Variants in GSK3B observed in about 807,000 individuals in gnomAD.
The protein encoded by GSK3B is glycogen synthase kinase-3 beta.
A neutral mutation model predicts 56.4 loss-of-function variants in GSK3B; 15 were observed. That is an observed-to-expected ratio of 0.27 (90% confidence interval 0.18 to 0.41). The LOEUF is 0.41. GSK3B is among the 10% of genes least tolerant of loss of function. The pLI is 1.00. For missense variants in GSK3B, 300 were observed against 513.4 expected, an observed-to-expected ratio of 0.58 and a Z score of 4.02; for synonymous variants, 181 against 188.9, an observed-to-expected ratio of 0.96 and a Z score of 0.34.
chr3:120,045,341 A>C (rs1271364726), intron 1 of GSK3B, among the ~76,000 whole-genome samples: 1 of 152,068 alleles, frequency 6.6e-6, no homozygotes, highest in African/African-American at 2.4e-5. Flanking sequence ...CCTTGCCTCT[A>C]GTTACTGTAA....
At chr3:119,834,677 G>GA (rs1297683201) in intron 10 of GSK3B, among the ~76,000 whole-genome samples, 1 of 151,262 alleles carries the variant, frequency 6.6e-6, no homozygotes, top group African/African-American at 2.4e-5. Flanking sequence ...TAGGAATAAA[G>GA]AAAAAAAAGG....
At position 120,041,655 on chromosome 3, in the gene GSK3B, G is replaced by C. The variant is rs1041831730; in HGVS notation, c.89-39416C>G. Reference sequence around the variant, plus strand: ...TAACCCAGGAGGTTTCTTAACAAGAGTTCTAAATCTAAAAAGAAAGCACAC... The same window carrying C: ...TAACCCAGGAGGTTTCTTAACAAGACTTCTAAATCTAAAAAGAAAGCACAC... On this transcript the variant is annotated intron_variant, in intron 1 of 10. Transcript: ENST00000264235. 3.9e-5 allele frequency: 6 copies of C among 152,434 alleles called. No individual in the cohort carries two copies. In the East Asian group the frequency reaches 1.2e-3, roughly 29 times the overall value. The allele number at this position is 152,434 out of a possible 1,614,324, so 9.4% of individuals were successfully genotyped here.
Position 119,826,648 on chromosome 3 carries a change from A to C in GSK3B, c.*140T>G, listed in dbSNP as rs931622469. The C allele has an allele frequency of 4.2e-6, 3 of 713,182 alleles. No individual in the cohort carries two copies. The highest frequency in any genetic ancestry group is 7.8e-6 in the Non-Finnish European group (3 of 386,446). 44.2% of individuals were successfully genotyped at this position (713,182 alleles called of 1,614,324 possible). ...TTTTACAAGGTTAAATAAGAACAAC[A>C]ATAATAATAAAAAAATTGAACACTA... is the stretch of plus-strand genomic sequence containing the variant. On this transcript the variant is annotated 3_prime_UTR_variant, in exon 11 of 11. Transcript: ENST00000264235.
At chr3:120,054,253 T>A (rs1160726502) in intron 1 of GSK3B, among the ~76,000 whole-genome samples, 1 of 152,106 alleles carries the variant, frequency 6.6e-6, no homozygotes, top group East Asian at 1.9e-4. Flanking sequence ...CCTAGAACAT[T>A]AACACTTTCA....
At chr3:119,861,019 A>G (rs915639269) in intron 9 of GSK3B, among the ~76,000 whole-genome samples, 3 of 152,170 alleles carry the variant, frequency 2.0e-5, no homozygotes, top group African/African-American at 7.2e-5. Flanking sequence ...ACCAAGTGGA[A>G]AATTGATTCT....
At position 119,822,267 on chromosome 3, in the gene GSK3B, A is replaced by ATATAT; in HGVS notation, c.*4520_*4521insATATA. 1 of 172,242 alleles carries ATATAT rather than the reference A, an allele frequency of 5.8e-6. No individual in the cohort carries two copies. Among genetic ancestry groups the ATATAT allele is most frequent in the Middle Eastern group, 2.2e-3 (1 of 450 alleles). The allele number at this position is 172,242 out of a possible 1,614,324, so 10.7% of individuals were successfully genotyped here. A position where few individuals can be genotyped will look rare whatever the true frequency, so the allele number is the denominator to read the frequency against. Reference sequence around the variant, plus strand: ...TTTATATATATATATATATATATATAATAAATTTTGTTTTTTAGGTTTGTT... The same window carrying ATATAT: ...TTTATATATATATATATATATATATATATATATAAATTTTGTTTTTTAGGTTTGTT... On this transcript the variant is annotated 3_prime_UTR_variant, in exon 11 of 11. Transcript: ENST00000264235.
intron 7 of GSK3B, among the ~76,000 whole-genome samples, chr3:119,894,510 T>C (rs1397159563): frequency 6.6e-6 from 1 of 152,190 alleles, no homozygotes; most frequent in African/African-American, 2.4e-5. Flanking sequence ...TGAATAATGA[T>C]GTTGAGCATC....
intron 2 of GSK3B, among the ~76,000 whole-genome samples, chr3:119,975,946 C>G (rs1157014912): frequency 6.6e-6 from 1 of 152,064 alleles, no homozygotes; most frequent in African/African-American, 2.4e-5. Context: ...CCCAAGAAGA[C>G]ATAAAAACCA....
At chr3:119,917,691 G>A (rs1465935290) in intron 4 of GSK3B, among the ~76,000 whole-genome samples, 1 of 147,780 alleles carries the variant, frequency 6.8e-6, no homozygotes, top group African/African-American at 2.5e-5. Context: ...AAGCTTAATC[G>A]TTTAAATGAG....
intron 1 of GSK3B, among the ~76,000 whole-genome samples, chr3:120,022,565 G>C (rs1014888378): frequency 1.3e-5 from 2 of 151,154 alleles, no homozygotes; most frequent in South Asian, 2.1e-4. Context: ...CCCCACAAAA[G>C]AGAGAGAGAG....
chr3:119,929,007 A>C (rs1247019333), intron 3 of GSK3B, among the ~76,000 whole-genome samples: 1 of 152,198 alleles, frequency 6.6e-6, no homozygotes, highest in Admixed American at 6.5e-5. Flanking sequence ...AAATCTAATA[A>C]GTGATTAGGT....
chr3:120,018,993 T>C (rs1202419993), intron 1 of GSK3B, among the ~76,000 whole-genome samples: 1 of 152,084 alleles, frequency 6.6e-6, no homozygotes, highest in Non-Finnish European at 1.5e-5. Flanking sequence ...CTTCTAAATA[T>C]GAAACATTTT....
chr3:120,030,136 T>A (rs1274564670), intron 1 of GSK3B, among the ~76,000 whole-genome samples: 2 of 152,160 alleles, frequency 1.3e-5, no homozygotes, highest in African/African-American at 2.4e-5. Context: ...ATTTCCTCAG[T>A]CATCCAAAAA....
At chr3:119,965,038 CTTT>C (rs573903125) in intron 2 of GSK3B, among the ~76,000 whole-genome samples, 37 of 125,646 alleles carry the variant, frequency 2.9e-4, no homozygotes, top group African/African-American at 1.0e-3. Flanking sequence ...ATTATGTTTT[CTTT>C]TTTTTTTTTT....
At chr3:119,925,423 A>G (rs1576204161) in intron 3 of GSK3B, among the ~76,000 whole-genome samples, 1 of 151,212 alleles carries the variant, frequency 6.6e-6, no homozygotes, top group African/African-American at 2.4e-5. Context: ...AACCTCTAAC[A>G]CTCCTTCTCT....
intron 9 of GSK3B, among the ~76,000 whole-genome samples, chr3:119,861,298 G>A (rs893269690): frequency 4.6e-5 from 7 of 152,002 alleles, no homozygotes; most frequent in Non-Finnish European, 8.8e-5. Context: ...ATCACCTGAG[G>A]TCAGGAGTTT....
rs540449216 is a variant in GSK3B, at chr3:119,967,784, T to TTC, written c.283-20435_283-20434dup. 2.2e-4 allele frequency among the ~76,000 whole-genome samples: 33 copies of TTC among 148,744 alleles called. No homozygotes were observed. The East Asian group carries it at 3.6e-3, about 16-fold the overall frequency. On this transcript the variant is annotated intron_variant, in intron 2 of 10. Coordinates refer to ENST00000264235, the MANE Select transcript of GSK3B (RefSeq NM_001146156.2). Reference sequence around the variant, plus strand: ...TCCTTTTCTTTTCTTTCTCTTTCTTTTCTCTCTCTCTCTCTCCCTCTCTCC... The same window carrying TTC: ...TCCTTTTCTTTTCTTTCTCTTTCTTTTCTCTCTCTCTCTCTCTCCCTCTCTCC...
At chr3:119,847,435 G>C (rs1036305122) in intron 9 of GSK3B, among the ~76,000 whole-genome samples, 7 of 152,044 alleles carry the variant, frequency 4.6e-5, no homozygotes, top group African/African-American at 1.7e-4. Context: ...AGCCAAGACC[G>C]TGCCATTGCA....
intron 3 of GSK3B, among the ~76,000 whole-genome samples, chr3:119,928,381 G>A (rs976560410): frequency 9.9e-5 from 15 of 151,882 alleles, no homozygotes; most frequent in Non-Finnish European, 1.9e-4. Flanking sequence ...AGAGGCGGGC[G>A]GATCATGAGG....
Sources: allele counts gnomAD v4.1 joint callset (sites outside exome capture counted in the v4.1 genomes callset), GRCh38; gene constraint gnomAD v4.1.1; transcripts MANE v1.5; gene names NCBI Gene and HGNC (gene_info 2026-07-23, HGNC 2026-07-21).